CNTNAP2: variants seen among roughly 807,000 people sequenced by gnomAD.
CNTNAP2 encodes contactin-associated protein-like 2.
CNTNAP2 carries 98 observed loss-of-function variants against 155.2 expected under a neutral mutation model. The ratio of observed to expected loss-of-function variants is 0.63; its 90% confidence interval spans 0.54 to 0.75. CNTNAP2 has a LOEUF of 0.75. CNTNAP2 is among the 30% of genes least tolerant of loss of function. The probability of loss-of-function intolerance (pLI) is 0.00; values close to 1 mark genes in which losing one functional copy is unlikely to be tolerated. For synonymous variants in CNTNAP2, 651 were observed against 631.2 expected, an observed-to-expected ratio of 1.03 and a Z score of -0.47; for missense variants, 1,727 against 1,688.1, an observed-to-expected ratio of 1.02 and a Z score of -0.40.
In CNTNAP2 at chr7:147,897,936, G is replaced by T. The variant is rs1799801889; in HGVS notation, c.2099-5629G>T. 2.0e-5 allele frequency among the ~76,000 whole-genome samples: 3 copies of T among 152,146 alleles called. No individual in the cohort carries two copies. The South Asian group carries it at 6.2e-4, about 32-fold the overall frequency. On this transcript the variant is annotated intron_variant, in intron 13 of 23. Coordinates refer to ENST00000361727, the MANE Select transcript of CNTNAP2 (RefSeq NM_014141.6). ...AAGCAAACACAGCCCCCGCATGCTGGGACCAGGCACAGGTGGACAGAAGAC... is the reference window on the plus strand; with the variant it reads ...AAGCAAACACAGCCCCCGCATGCTGTGACCAGGCACAGGTGGACAGAAGAC...
chr7:148,017,800 G>A (rs535905690), intron 15 of CNTNAP2, among the ~76,000 whole-genome samples: 7 of 152,326 alleles, frequency 4.6e-5, no homozygotes, highest in African/African-American at 1.7e-4. Flanking sequence ...GTAAATAATA[G>A]CCTTTTTAAC....
intron 10 of CNTNAP2, among the ~76,000 whole-genome samples, chr7:147,426,078 C>T (rs1267284893): frequency 6.6e-6 from 1 of 151,920 alleles, no homozygotes; most frequent in Non-Finnish European, 1.5e-5. Context: ...GAGCAGAATT[C>T]TATGCCTGTA....
At chr7:146,371,832 G>T (rs1050456701) in intron 1 of CNTNAP2, among the ~76,000 whole-genome samples, 2 of 151,878 alleles carry the variant, frequency 1.3e-5, no homozygotes, top group African/African-American at 4.8e-5. Flanking sequence ...AGTGGCACAT[G>T]CCTGTAATCC....
rs1189170901 is a variant in CNTNAP2 at position 148,330,518 on chromosome 7, A to G, written c.3476-53131A>G. Among the ~76,000 whole-genome samples the G allele has an allele frequency of 2.7e-5, 4 of 145,802 alleles. No homozygotes were observed. In the East Asian group the frequency reaches 6.2e-4, roughly 23 times the overall value. ...ATGGATGGATGGAGTGGATGGATGG[A>G]GTGGATGGATGGAATGGATAGATGG... On this transcript the variant is annotated intron_variant, in intron 21 of 23. Transcript: ENST00000361727.
At chr7:147,601,440 C>A (rs1800941739) in intron 12 of CNTNAP2, among the ~76,000 whole-genome samples, 2 of 151,800 alleles carry the variant, frequency 1.3e-5, no homozygotes, top group Non-Finnish European at 2.9e-5. Flanking sequence ...CCAGGATGAG[C>A]TAGGAGAAGG....
chr7:148,206,097 T>C (rs2116737752), intron 18 of CNTNAP2, among the ~76,000 whole-genome samples: 1 of 151,610 alleles, frequency 6.6e-6, no homozygotes, highest in East Asian at 1.9e-4. Flanking sequence ...ATACAAATAT[T>C]CATGTTCATA....
At chr7:147,775,427 A>G (rs532577619) in intron 13 of CNTNAP2, among the ~76,000 whole-genome samples, 1 of 124,348 alleles carries the variant, frequency 8.0e-6, no homozygotes, top group Non-Finnish European at 1.6e-5. Context: ...ATATATATAT[A>G]TCTGAAGAAA....
intron 12 of CNTNAP2, among the ~76,000 whole-genome samples, chr7:147,575,030 GCA>G (rs1171437706): frequency 6.6e-6 from 1 of 151,930 alleles, no homozygotes; most frequent in East Asian, 1.9e-4. Flanking sequence ...AAGTCAGTGA[GCA>G]CATATTCATT....
At position 148,118,200 on chromosome 7, in the gene CNTNAP2, C is replaced by A. The variant is rs1057524723; in HGVS notation, c.2466C>A (p.Asp822Glu). The change falls in exon 16 of 24, where the codon GAC (aspartate) becomes GAA (glutamate). Residue 822 changes from aspartate to glutamate, a missense_variant. Transcript: ENST00000361727. ...FSTFQGETSA[D>E]ISFYFKTLTP... ...CTTTCCAAGGGGAAACTAGCGCTGA[C>A]ATTTCTTTCTACTTCAAAACATTAA... is the stretch of plus-strand genomic sequence containing the variant. The A allele has an allele frequency of 1.2e-6, 2 of 1,614,046 alleles. No individual in the cohort carries two copies. The highest frequency in any genetic ancestry group is 1.7e-6 in the Non-Finnish European group (2 of 1,180,022).
intron 13 of CNTNAP2, among the ~76,000 whole-genome samples, chr7:147,831,060 A>G (rs1218750466): frequency 6.6e-6 from 1 of 152,218 alleles, no homozygotes; most frequent in African/African-American, 2.4e-5. Flanking sequence ...CTTATTAAGC[A>G]TGAGAGTTAA....
At chr7:146,511,056 C>T (rs1332333967) in intron 1 of CNTNAP2, among the ~76,000 whole-genome samples, 1 of 152,008 alleles carries the variant, frequency 6.6e-6, no homozygotes, top group African/African-American at 2.4e-5. Flanking sequence ...ATCACCATGC[C>T]CAGCTAATTT....
intron 3 of CNTNAP2, among the ~76,000 whole-genome samples, chr7:147,033,147 CATATATATATATGTATATATATATATAT>C (rs1799068448): frequency 3.4e-5 from 3 of 86,976 alleles, no homozygotes; most frequent in African/African-American, 1.4e-4. Context: ...GATATTGCTG[CATATATATATATGTATATATATATATAT>C]ATATATATAT....
At chr7:147,568,562 G>A (rs370952556) in intron 12 of CNTNAP2, among the ~76,000 whole-genome samples, 1 of 151,978 alleles carries the variant, frequency 6.6e-6, no homozygotes, top group African/African-American at 2.4e-5. Flanking sequence ...TAGATCTTAG[G>A]GTACATGATA....
intron 21 of CNTNAP2, among the ~76,000 whole-genome samples, chr7:148,288,814 C>G (rs1489844780): frequency 6.6e-6 from 1 of 151,690 alleles, no homozygotes; most frequent in Non-Finnish European, 1.5e-5. Flanking sequence ...AGCCACAATT[C>G]AATTAAATTT....
intron 11 of CNTNAP2, among the ~76,000 whole-genome samples, chr7:147,547,192 A>G (rs1303445718): frequency 1.3e-5 from 2 of 152,200 alleles, no homozygotes; most frequent in Non-Finnish European, 2.9e-5. Context: ...AATACAAAAG[A>G]TTGGCAGAAT....
chr7:147,155,105 G>A (rs937619507), intron 8 of CNTNAP2, among the ~76,000 whole-genome samples: 3 of 152,192 alleles, frequency 2.0e-5, no homozygotes, highest in Admixed American at 6.5e-5. Context: ...AATCCTAACC[G>A]CGGAGGTGAG....
At chr7:147,077,226 TA>T (rs1391020793) in intron 4 of CNTNAP2, among the ~76,000 whole-genome samples, 1 of 152,178 alleles carries the variant, frequency 6.6e-6, no homozygotes, top group African/African-American at 2.4e-5. Flanking sequence ...ATTTATTATT[TA>T]AAAAAATTAA....
At chr7:148,150,151 G>A (rs1189658370) in intron 17 of CNTNAP2, among the ~76,000 whole-genome samples, 2 of 139,342 alleles carry the variant, frequency 1.4e-5, no homozygotes, top group Non-Finnish European at 3.1e-5. Context: ...GGTGGCTCAC[G>A]CCTATAATCC....
At chr7:146,655,005 AATG>A (rs1326370412) in intron 1 of CNTNAP2, among the ~76,000 whole-genome samples, 1 of 152,190 alleles carries the variant, frequency 6.6e-6, no homozygotes, top group Non-Finnish European at 1.5e-5. Context: ...AGAAATCTGT[AATG>A]ATATCTCTCA....
Sources: allele counts gnomAD v4.1 joint callset (sites outside exome capture counted in the v4.1 genomes callset), GRCh38; gene constraint gnomAD v4.1.1; transcripts MANE v1.5; gene names NCBI Gene and HGNC (gene_info 2026-07-23, HGNC 2026-07-21).